The following JAKMIP2 variants were observed in gnomAD, a reference collection of about 807,000 sequenced individuals.
JAKMIP2 encodes janus kinase and microtubule-interacting protein 2.
Under a neutral mutation model 115.0 loss-of-function variants are expected in JAKMIP2, and 25 were observed. The observed-to-expected ratio is 0.22, with a 90% CI of 0.16 to 0.30. The LOEUF (loss-of-function observed/expected upper bound fraction) is 0.30, where lower values mean the gene tolerates loss of function less well. Ranked by LOEUF, JAKMIP2 falls within the 10% of genes least tolerant of loss-of-function variation. JAKMIP2 has a pLI of 1.00. For synonymous variants in JAKMIP2, 334 were observed against 343.6 expected (o/e 0.97, Z 0.31); for missense variants, 642 against 957.6 (o/e 0.67, Z 4.35).
chr5:147,659,948 A>G (rs1378327173), intron 3 of JAKMIP2, among the ~76,000 whole-genome samples: 1 of 152,224 alleles, frequency 6.6e-6, no homozygotes, highest in Non-Finnish European at 1.5e-5. Flanking sequence ...ATATCACCCG[A>G]GGAACATAAT....
At chr5:147,761,502 C>A (rs1754927224) in intron 1 of JAKMIP2, among the ~76,000 whole-genome samples, 1 of 152,046 alleles carries the variant, frequency 6.6e-6, no homozygotes, top group African/African-American at 2.4e-5. Context: ...AGACTCCTTG[C>A]CCTTAACCTC....
intron 5 of JAKMIP2, among the ~76,000 whole-genome samples, chr5:147,646,771 T>C (rs1389645292): frequency 6.6e-6 from 1 of 151,050 alleles, no homozygotes; most frequent in Admixed American, 6.6e-5. Context: ...CCAAGAAGTA[T>C]TACCAGAGGA....
rs1754966474 is a variant in JAKMIP2 at position 147,588,426 on chromosome 5, TGCTA to T, written c.*3277_*3280del. On this transcript the variant is annotated 3_prime_UTR_variant, in exon 22 of 22. Coordinates refer to ENST00000616793, the MANE Select transcript of JAKMIP2 (RefSeq NM_001270941.2). Reference sequence around the variant, plus strand: ...TTGATAACTTTTTTTTTTTTTTTTTTGCTATTGCTGAACATCCCATCCAAGGGAA... The same window carrying T: ...TTGATAACTTTTTTTTTTTTTTTTTTTTGCTGAACATCCCATCCAAGGGAA... 6.8e-6 allele frequency: 1 copy of T among 147,726 alleles called. No homozygotes were observed. Among genetic ancestry groups the T allele is most frequent in the African/African-American group, 2.5e-5 (1 of 40,674 alleles). The allele number at this position is 147,726 out of a possible 1,614,324, so 9.2% of individuals were successfully genotyped here.
At chr5:147,691,722 G>A (rs1751868361) in intron 1 of JAKMIP2, among the ~76,000 whole-genome samples, 1 of 152,126 alleles carries the variant, frequency 6.6e-6, no homozygotes, top group Non-Finnish European at 1.5e-5. Flanking sequence ...TTGACTCAAG[G>A]GCACATGAGG....
intron 1 of JAKMIP2, among the ~76,000 whole-genome samples, chr5:147,754,688 A>G (rs565121262): frequency 1.3e-5 from 2 of 152,240 alleles, no homozygotes; most frequent in South Asian, 2.1e-4. Flanking sequence ...TCACAACCCA[A>G]TTAAGATTGG....
At chr5:147,598,691 T>C (rs1198469395) in intron 21 of JAKMIP2, among the ~76,000 whole-genome samples, 1 of 152,146 alleles carries the variant, frequency 6.6e-6, no homozygotes, top group East Asian at 1.9e-4. Context: ...CTAGGGAGCG[T>C]TCGATGGCTT....
chr5:147,764,898 G>GAAAGAA (rs1755060601), intron 1 of JAKMIP2, among the ~76,000 whole-genome samples: 1 of 85,210 alleles, frequency 1.2e-5, no homozygotes, highest in African/African-American at 7.3e-5. Context: ...GGGAAAGAAA[G>GAAAGAA]AAAGAAAGAA....
chr5:147,656,266 C>T (rs1758667653), intron 3 of JAKMIP2, among the ~76,000 whole-genome samples: 1 of 152,198 alleles, frequency 6.6e-6, no homozygotes, highest in Non-Finnish European at 1.5e-5. Flanking sequence ...TCACATTGAT[C>T]TGTCTAATGT....
At position 147,648,397 on chromosome 5, in the gene JAKMIP2, A is replaced by G; in HGVS notation, c.915T>C (p.Leu305=). 3.7e-6 allele frequency: 6 copies of G among 1,606,076 alleles called. No homozygotes were observed. Among genetic ancestry groups the G allele is most frequent in the Non-Finnish European group, 5.1e-6 (6 of 1,173,236 alleles). Residue 305 remains leucine (L), a synonymous_variant, in exon 5 of 22, where the codon CTT becomes CTC. Coordinates refer to ENST00000616793, the MANE Select transcript of JAKMIP2 (RefSeq NM_001270941.2). ...IRKLEDRNTL[L]GDERNELLKR... is the part of the protein sequence containing the mutation. ...TCACCAGTTCATTTCGTTCATCTCC[A>G]AGCAAGGTATTCCTGTCTTCTAATT...
At chr5:147,597,008 G>A (rs879608509) in intron 21 of JAKMIP2, among the ~76,000 whole-genome samples, 3 of 151,176 alleles carry the variant, frequency 2.0e-5, no homozygotes, top group Admixed American at 6.6e-5. Context: ...AAGTAGCTGG[G>A]ATTATAGGCA....
At chr5:147,762,758 G>A (rs1004196747) in intron 1 of JAKMIP2, among the ~76,000 whole-genome samples, 4 of 151,946 alleles carry the variant, frequency 2.6e-5, no homozygotes, top group Admixed American at 6.6e-5. Context: ...GTCCATAACA[G>A]GTTGTTTCCC....
chr5:147,594,357 C>G, intron 21 of JAKMIP2: 1 of 392,316 alleles, frequency 2.5e-6, no homozygotes, highest in South Asian at 1.8e-5. Flanking sequence ...CTTTTTGATA[C>G]AGGGTCTTGC....
At chr5:147,632,645 G>C in intron 13 of JAKMIP2, 35 bp downstream of exon 13, 2 of 1,316,436 alleles carry the variant, frequency 1.5e-6, no homozygotes, top group East Asian at 2.3e-5. Context: ...TAATCATTAC[G>C]ATTATTTTTA....
At chr5:147,764,987 A>G (rs1449590080) in intron 1 of JAKMIP2, among the ~76,000 whole-genome samples, 25 of 110,184 alleles carry the variant, frequency 2.3e-4, no homozygotes, top group African/African-American at 3.6e-4. Context: ...AGAGAGAGAG[A>G]GAGGGAGAGA....
At chr5:147,745,891 G>A (rs1754330364) in intron 1 of JAKMIP2, among the ~76,000 whole-genome samples, 1 of 152,102 alleles carries the variant, frequency 6.6e-6, no homozygotes, top group South Asian at 2.1e-4. Flanking sequence ...CAGAATTTTG[G>A]TGAAGATAAG....
rs1561582723 is a variant in JAKMIP2, at chr5:147,764,968, G to A, written c.-149+17488C>T. 2.8e-4 allele frequency among the ~76,000 whole-genome samples: 11 copies of A among 39,614 alleles called. No homozygotes were observed. The East Asian group carries it at 5.1e-3, about 18-fold the overall frequency. 26.0% of individuals were successfully genotyped at this position (39,614 alleles called of 152,430 possible). A position where few individuals can be genotyped will look rare whatever the true frequency, so the allele number is the denominator to read the frequency against. ...AGAGGGAGAGAGAGAGAGAGAGAGG[G>A]GGAGAGAGAGAGAGAGAGAGAGGGA... On this transcript the variant is annotated intron_variant, in intron 1 of 21. Coordinates refer to ENST00000616793, the MANE Select transcript of JAKMIP2 (RefSeq NM_001270941.2).
intron 1 of JAKMIP2, among the ~76,000 whole-genome samples, chr5:147,744,038 C>CCTT (rs1283347528): frequency 7.0e-6 from 1 of 142,726 alleles, no homozygotes; most frequent in Non-Finnish European, 1.5e-5. Flanking sequence ...TTCCTTCCTT[C>CCTT]CTTCCTTCCT....
At chr5:147,659,363 C>T (rs1206993197) in intron 3 of JAKMIP2, among the ~76,000 whole-genome samples, 1 of 152,106 alleles carries the variant, frequency 6.6e-6, no homozygotes, top group East Asian at 1.9e-4. Context: ...TGGGTCACAC[C>T]CACTGCCAAA....
chr5:147,623,224 C>CTT (rs199676287), intron 17 of JAKMIP2, among the ~76,000 whole-genome samples: 2,039 of 138,730 alleles, frequency 0.015, 49 homozygotes, highest in African/African-American at 0.05. Context: ...TTGTTCTACT[C>CTT]TTTTTTTTTT....
Sources: gnomAD v4.1 joint callset for allele counts (sites outside exome capture counted in the v4.1 genomes callset) on GRCh38, gnomAD v4.1.1 for gene constraint, MANE v1.5 for transcripts, NCBI Gene and HGNC (gene_info 2026-07-23, HGNC 2026-07-21) for gene names.